The following ADAMTS15 variants were observed in gnomAD, a reference collection of about 807,000 sequenced individuals.
ADAMTS15 encodes A disintegrin and metalloproteinase with thrombospondin motifs 15.
Under a neutral mutation model 79.1 loss-of-function variants are expected in ADAMTS15, and 35 were observed. The observed-to-expected ratio is 0.44, with a 90% CI of 0.34 to 0.59. ADAMTS15 has a LOEUF of 0.59. Among genes scored for constraint, ADAMTS15 ranks in the 20% least tolerant of loss-of-function variants. The pLI is 0.02. For synonymous variants in ADAMTS15, 616 were observed against 567.3 expected (o/e 1.09, Z -1.22); for missense variants, 1,324 against 1,318.7 (o/e 1.00, Z -0.06).
In ADAMTS15 at chr11:130,473,803, C is replaced by T. The variant is rs745751631; in HGVS notation, c.2835C>T (p.Cys945=). Residue 945 remains cysteine (C), a synonymous_variant, in exon 8 of 8, where the codon TGC becomes TGT. Coordinates refer to ENST00000299164, the MANE Select transcript of ADAMTS15 (RefSeq NM_139055.4). ...LHRKPQELDF[C]VLRPC ...GCAAGCCCCAGGAGCTGGACTTCTG[C>T]GTCCTGAGGCCGTGCTGAGTGGGGT... is the stretch of plus-strand genomic sequence containing the variant. 1.1e-5 allele frequency: 18 copies of T among 1,596,464 alleles called. No homozygotes were observed. Among genetic ancestry groups the T allele is most frequent in the Admixed American group, 3.3e-5 (2 of 59,912 alleles).
In ADAMTS15 at chr11:130,462,172, G is replaced by A. The variant is rs375634484; in HGVS notation, c.1176G>A (p.Pro392=). ...GKLRANHMMS[P]TLIQIDRANP... is the part of the protein sequence containing the mutation. ...TCCGAGCCAACCACATGATGTCCCCGACCCTCATCCAGATCGACCGTGCCA... is the reference window on the plus strand; with the variant it reads ...TCCGAGCCAACCACATGATGTCCCCAACCCTCATCCAGATCGACCGTGCCA... The change falls in exon 3 of 8, where the codon CCG becomes CCA. Residue 392 remains proline, a synonymous_variant. Coordinates refer to ENST00000299164, the MANE Select transcript of ADAMTS15 (RefSeq NM_139055.4). The surrounding 1 kb of genome is among the most constrained non-coding windows in gnomAD (Gnocchi z 4.3). The A allele has an allele frequency of 3.7e-5, 60 of 1,614,028 alleles. 1 individual carries two copies. The highest frequency in any genetic ancestry group is 4.7e-5 in the Non-Finnish European group (55 of 1,180,040).
At chr11:130,463,777 A>G (rs78515756) in intron 4 of ADAMTS15, among the ~76,000 whole-genome samples, 3,470 of 152,310 alleles carry the variant, frequency 0.023, 118 homozygotes, top group African/African-American at 0.078. Flanking sequence ...CAGAAAAAGA[A>G]ATAAAACACA....
chr11:130,449,672 C>T lies in ADAMTS15; in HGVS notation c.699C>T (p.Phe233=), dbSNP rs1388829535. 1.1e-5 allele frequency: 17 copies of T among 1,601,596 alleles called. No homozygotes were observed. The Admixed American group carries it at 2.4e-4, about 23-fold the overall frequency. The stretch of plus-strand genomic sequence containing the variant: ...TCGCGGACGAGTCAATGGTCAAGTT[C>T]CACGGCGCGGACCTGGAACATTATC... ...LVVADESMVK[F]HGADLEHYLL... Residue 233 remains phenylalanine, a synonymous_variant, in exon 1 of 8, where the codon TTC becomes TTT. Transcript: ENST00000299164. This position sits in a 1 kb window ranked among gnomAD's most constrained non-coding sequence, Gnocchi z 7.8.
rs1325295321 is a variant in ADAMTS15 at position 130,475,511 on chromosome 11, C to T, written c.*1690C>T. The T allele has an allele frequency of 2.0e-5, 3 of 152,216 alleles. No homozygotes were observed. The highest frequency in any genetic ancestry group is 1.5e-5 in the Non-Finnish European group (1 of 68,080). The allele number at this position is 152,216 out of a possible 1,614,324, so 9.4% of individuals were successfully genotyped here. ...AGCTAAGATCAAAGCATGTGTCTTC[C>T]TGGGAGAGAAGAGTTCCGTTCTTTT... On this transcript the variant is annotated 3_prime_UTR_variant, in exon 8 of 8. Transcript: ENST00000299164.
At chr11:130,457,794 G>T (rs904487939) in intron 1 of ADAMTS15, among the ~76,000 whole-genome samples, 1 of 152,186 alleles carries the variant, frequency 6.6e-6, no homozygotes, top group Admixed American at 6.5e-5. Flanking sequence ...ATAAGCACTC[G>T]TAGGCGTTCA....
At chr11:130,455,075 A>T (rs1463831063) in intron 1 of ADAMTS15, among the ~76,000 whole-genome samples, 2 of 152,056 alleles carry the variant, frequency 1.3e-5, no homozygotes. Flanking sequence ...CTAGCAATGG[A>T]CATTGCGTGA....
chr11:130,471,089 G>T lies in ADAMTS15; in HGVS notation c.1890G>T (p.Val630=), dbSNP rs374196474. Residue 630 remains valine (V), a synonymous_variant, in exon 6 of 8, where the codon GTG becomes GTT. Coordinates refer to ENST00000299164, the MANE Select transcript of ADAMTS15 (RefSeq NM_139055.4). The part of the protein sequence containing the change: ...CRANGTGYFY[V]LAPKVVDGTL... ...CCAATGGCACTGGCTACTTCTATGT[G>T]CTGGCACCCAAGGTGAGTGAGCCTG... The T allele has an allele frequency of 3.0e-5, 49 of 1,613,382 alleles. 1 individual carries two copies. Among genetic ancestry groups the T allele is most frequent in the Non-Finnish European group, 3.6e-5 (43 of 1,179,736 alleles).
At chr11:130,468,561 C>T (rs1216366979) in intron 4 of ADAMTS15, among the ~76,000 whole-genome samples, 1 of 151,514 alleles carries the variant, frequency 6.6e-6, no homozygotes, top group Admixed American at 6.6e-5. Context: ...GTCAGGAGAT[C>T]GAGACCTTCC....
intron 1 of ADAMTS15, among the ~76,000 whole-genome samples, chr11:130,456,831 G>A (rs1938090819): frequency 6.6e-6 from 1 of 152,150 alleles, no homozygotes; most frequent in Non-Finnish European, 1.5e-5. Flanking sequence ...TATAATACCT[G>A]GATGCTGTGA....
chr11:130,456,593 A>G (rs1357428487), intron 1 of ADAMTS15, among the ~76,000 whole-genome samples: 1 of 152,202 alleles, frequency 6.6e-6, no homozygotes, highest in Non-Finnish European at 1.5e-5. Flanking sequence ...AGAGATTCGG[A>G]TGGGAAACAA....
chr11:130,459,025 GTTTTTTTTTTTTT>G lies in ADAMTS15; in HGVS notation c.958-2450_958-2438del, dbSNP rs757221690. On this transcript the variant is annotated intron_variant, in intron 1 of 7. Transcript: ENST00000299164. ...GTCGGGTGAAGGTCCCCTCCCAAGTGTTTTTTTTTTTTTTTTTTTTTTTTTTGAGACAGAGTCT... is the reference window on the plus strand; with the variant it reads ...GTCGGGTGAAGGTCCCCTCCCAAGTGTTTTTTTTTTTTTGAGACAGAGTCT... 7.2e-3 allele frequency among the ~76,000 whole-genome samples: 543 copies of G among 75,406 alleles called. 1 individual carries two copies. Among genetic ancestry groups the G allele is most frequent in the Non-Finnish European group, 0.01 (411 of 40,932 alleles). The allele number at this position is 75,406 out of a possible 152,430, so 49.5% of individuals were successfully genotyped here.
At chr11:130,461,701 C>G in intron 2 of ADAMTS15, 80 bp downstream of exon 2, 3 of 1,576,456 alleles carry the variant, frequency 1.9e-6, no homozygotes, top group Non-Finnish European at 1.7e-6. Context: ...TGTCTTTGCC[C>G]CCTTGTGTTC....
intron 1 of ADAMTS15, 98 bp downstream of exon 1, chr11:130,450,028 C>G (rs1315367527): frequency 3.3e-6 from 5 of 1,521,960 alleles, no homozygotes; most frequent in African/African-American, 1.4e-5. Flanking sequence ...GCAATGCCTC[C>G]GAGTTTAAAC....
intron 1 of ADAMTS15, chr11:130,450,209 G>A: frequency 1.0e-6 from 1 of 985,450 alleles, no homozygotes; most frequent in Non-Finnish European, 1.2e-6. Flanking sequence ...GGCGCCGAGG[G>A]GCCGGAACCC....
intron 1 of ADAMTS15, among the ~76,000 whole-genome samples, chr11:130,458,441 G>A (rs1318311188): frequency 6.6e-6 from 1 of 152,180 alleles, no homozygotes; most frequent in Non-Finnish European, 1.5e-5. Context: ...TTCTGAGAGC[G>A]AGTGCTGTCA....
chr11:130,455,072 T>C (rs1347011083), intron 1 of ADAMTS15, among the ~76,000 whole-genome samples: 1 of 152,050 alleles, frequency 6.6e-6, no homozygotes, highest in African/African-American at 2.4e-5. Context: ...TCTCTAGCAA[T>C]GGACATTGCG....
intron 1 of ADAMTS15, among the ~76,000 whole-genome samples, chr11:130,452,979 CAAAAAAA>C (rs139829512): frequency 7.9e-6 from 1 of 126,752 alleles, no homozygotes; most frequent in East Asian, 2.5e-4. Flanking sequence ...GGCTCTGTCT[CAAAAAAA>C]AAAAAAAAAA....
chr11:130,459,363 A>C (rs951469363), intron 1 of ADAMTS15, among the ~76,000 whole-genome samples: 25 of 152,084 alleles, frequency 1.6e-4, no homozygotes, highest in African/African-American at 6.0e-4. Flanking sequence ...ACAGGGTCTC[A>C]CCATGTTTCC....
Position 130,448,804 on chromosome 11 carries a change from C to A in ADAMTS15, c.-170C>A, listed in dbSNP as rs542655775. On this transcript the variant is annotated 5_prime_UTR_variant, in exon 1 of 8. Coordinates refer to ENST00000299164, the MANE Select transcript of ADAMTS15 (RefSeq NM_139055.4). ...TAGGAAGCGCGGGCTGCCGGGTGCA[C>A]GCTCGCCGCCCTGGGAGGAGTCTCC... 1.3e-5 allele frequency among the ~76,000 whole-genome samples: 2 copies of A among 152,210 alleles called. No individual in the cohort carries two copies. Among genetic ancestry groups the A allele is most frequent in the Non-Finnish European group, 2.9e-5 (2 of 68,036 alleles).
Sources: gnomAD v4.1 joint callset for allele counts (sites outside exome capture counted in the v4.1 genomes callset) on GRCh38, gnomAD v4.1.1 for gene constraint, Gnocchi (gnomAD v3.1) non-coding constraint, MANE v1.5 for transcripts, NCBI Gene and HGNC (gene_info 2026-07-23, HGNC 2026-07-21) for gene names.